KCNIP4: variants seen among roughly 807,000 people sequenced by gnomAD.
KCNIP4 encodes potassium voltage-gated channel interacting protein 4, also known as Kv channel-interacting protein 4.
A neutral mutation model predicts 34.0 loss-of-function variants in KCNIP4; 12 were observed. The ratio of observed to expected loss-of-function variants is 0.35; its 90% confidence interval spans 0.23 to 0.57. KCNIP4 has a LOEUF of 0.57. Ranked by LOEUF, KCNIP4 falls within the 20% of genes least tolerant of loss-of-function variation. KCNIP4 has a pLI of 0.83. For synonymous variants in KCNIP4, 124 were observed against 102.2 expected, an observed-to-expected ratio of 1.21 and a Z score of -1.29; for missense variants, 238 against 311.7, an observed-to-expected ratio of 0.76 and a Z score of 1.78.
chr4:21,747,275 C>CA (rs2109138570), intron 1 of KCNIP4, among the ~76,000 whole-genome samples: 1 of 152,258 alleles, frequency 6.6e-6, no homozygotes, highest in South Asian at 2.1e-4. Context: ...CTTAGCAGGT[C>CA]AAGTTCCCCT....
chr4:21,405,898 C>T (rs7657228), intron 1 of KCNIP4, among the ~76,000 whole-genome samples: 26,593 of 152,104 alleles, frequency 0.17, 4,425 homozygotes, highest in African/African-American at 0.42. Flanking sequence ...CGCAATGGCG[C>T]GATCTTGGCT....
At chr4:21,908,076 A>T (rs1439531456) in intron 1 of KCNIP4, among the ~76,000 whole-genome samples, 1 of 152,142 alleles carries the variant, frequency 6.6e-6, no homozygotes, top group Non-Finnish European at 1.5e-5. Context: ...CTCTGCCTGT[A>T]ATAAAAAATA....
chr4:20,833,656 T>A (rs1718695107), intron 3 of KCNIP4, among the ~76,000 whole-genome samples: 1 of 152,118 alleles, frequency 6.6e-6, no homozygotes, highest in Admixed American at 6.6e-5. Flanking sequence ...TTACGCAAAA[T>A]AATTTATATG....
At chr4:21,579,755 T>C (rs1436934744) in intron 1 of KCNIP4, among the ~76,000 whole-genome samples, 2 of 152,210 alleles carry the variant, frequency 1.3e-5, no homozygotes, top group Non-Finnish European at 2.9e-5. Flanking sequence ...TTCTAGGTTT[T>C]ATTCTCCATA....
At chr4:21,859,167 G>A (rs895428313) in intron 1 of KCNIP4, among the ~76,000 whole-genome samples, 16 of 152,130 alleles carry the variant, frequency 1.1e-4, no homozygotes, top group Admixed American at 2.0e-4. Flanking sequence ...CCAGCAACTT[G>A]CCACAAGTTG....
chr4:21,113,126 A>G (rs1749367567), intron 1 of KCNIP4, among the ~76,000 whole-genome samples: 1 of 152,240 alleles, frequency 6.6e-6, no homozygotes, highest in Non-Finnish European at 1.5e-5. Context: ...TAATGTACAG[A>G]GAAGCTACAA....
At chr4:21,483,894 T>G (rs73252219) in intron 1 of KCNIP4, among the ~76,000 whole-genome samples, 19,005 of 152,118 alleles carry the variant, frequency 0.12, 1,354 homozygotes, top group South Asian at 0.21. Context: ...TGTGCCTGCT[T>G]CCTCTCAATC....
At chr4:21,384,721 G>A (rs1721860301) in intron 1 of KCNIP4, among the ~76,000 whole-genome samples, 1 of 152,182 alleles carries the variant, frequency 6.6e-6, no homozygotes, top group South Asian at 2.1e-4. Flanking sequence ...ATTTGATTCT[G>A]AGTAAGATGC....
At chr4:21,935,791 T>C (rs1729827282) in intron 1 of KCNIP4, among the ~76,000 whole-genome samples, 1 of 152,086 alleles carries the variant, frequency 6.6e-6, no homozygotes, top group African/African-American at 2.4e-5. Context: ...TAGGGCCTTA[T>C]CTATTTGTCA....
intron 1 of KCNIP4, among the ~76,000 whole-genome samples, chr4:21,365,157 G>A (rs1354089779): frequency 2.6e-5 from 4 of 152,078 alleles, no homozygotes; most frequent in African/African-American, 9.7e-5. Flanking sequence ...ATGCAATTAT[G>A]TGTTAAATAC....
intron 1 of KCNIP4, among the ~76,000 whole-genome samples, chr4:21,177,848 A>C: frequency 7.0e-6 from 1 of 143,842 alleles, no homozygotes; most frequent in East Asian, 2.0e-4. Context: ...ACTATGTCTC[A>C]AAAAAAAAAT....
At chr4:21,094,621 C>CCCAATGTGTACACAATGTGTACACA (rs1190674951) in intron 1 of KCNIP4, among the ~76,000 whole-genome samples, 1 of 152,166 alleles carries the variant, frequency 6.6e-6, no homozygotes, top group African/African-American at 2.4e-5. Context: ...CTCACATTGA[C>CCCAATGTGTACACAATGTGTACACA]TTGTGTAACC....
At chr4:21,700,840 T>A (rs1712773725) in intron 1 of KCNIP4, among the ~76,000 whole-genome samples, 1 of 152,180 alleles carries the variant, frequency 6.6e-6, no homozygotes, top group South Asian at 2.1e-4. Flanking sequence ...CCAACACTTT[T>A]TATTGAAGAC....
intron 1 of KCNIP4, among the ~76,000 whole-genome samples, chr4:21,667,045 A>T (rs1749026635): frequency 6.6e-6 from 1 of 152,202 alleles, no homozygotes; most frequent in Non-Finnish European, 1.5e-5. Flanking sequence ...AGACAACTAT[A>T]ACATTAGAAA....
At chr4:21,586,539 G>T (rs1410085665) in intron 1 of KCNIP4, among the ~76,000 whole-genome samples, 1 of 151,954 alleles carries the variant, frequency 6.6e-6, no homozygotes, top group African/African-American at 2.4e-5. Context: ...AAAATCAAAG[G>T]AAGGTGTGAC....
intron 1 of KCNIP4, among the ~76,000 whole-genome samples, chr4:21,587,560 A>G (rs1351023910): frequency 6.6e-6 from 1 of 151,912 alleles, no homozygotes; most frequent in Non-Finnish European, 1.5e-5. Context: ...CAACAACAAC[A>G]ACAACAAAAA....
chr4:21,282,712 T>C (rs1186812533), intron 1 of KCNIP4, among the ~76,000 whole-genome samples: 2 of 152,274 alleles, frequency 1.3e-5, no homozygotes, highest in Admixed American at 1.3e-4. Flanking sequence ...GCTGGCAAAT[T>C]GTGCTGTTGC....
At chr4:20,956,261 T>C (rs1401325000) in intron 1 of KCNIP4, among the ~76,000 whole-genome samples, 1 of 152,208 alleles carries the variant, frequency 6.6e-6, no homozygotes, top group Non-Finnish European at 1.5e-5. Context: ...ACGTTTTCTC[T>C]TGGGAGGCTG....
intron 1 of KCNIP4, among the ~76,000 whole-genome samples, chr4:21,441,615 G>GA (rs1481493220): frequency 3.3e-5 from 5 of 152,166 alleles, no homozygotes; most frequent in Admixed American, 1.3e-4. Flanking sequence ...CCTCCCATGG[G>GA]AAAAAATCAA....
Sources: allele counts gnomAD v4.1 joint callset (sites outside exome capture counted in the v4.1 genomes callset), GRCh38; gene constraint gnomAD v4.1.1; transcripts MANE v1.5; gene names NCBI Gene and HGNC (gene_info 2026-07-23, HGNC 2026-07-21).